CA1: variants seen among roughly 807,000 people sequenced by gnomAD.
The protein encoded by CA1 is carbonate dehydratase I.
A neutral mutation model predicts 28.8 loss-of-function variants in CA1; 27 were observed. That is an observed-to-expected ratio of 0.94 (90% confidence interval 0.69 to 1.29). The LOEUF (loss-of-function observed/expected upper bound fraction) is 1.29, where lower values mean the gene tolerates loss of function less well. Among genes scored for constraint, CA1 ranks in the 50% most tolerant of loss-of-function variants. CA1 has a pLI of 0.00. For missense variants in CA1, 335 were observed against 310.5 expected (o/e 1.08, Z -0.59); for synonymous variants, 121 against 108.8 (o/e 1.11, Z -0.70).
At chr8:85,341,354 G>A in intron 2 of CA1, 2 of 375,796 alleles carry the variant, frequency 5.3e-6, no homozygotes, top group Non-Finnish European at 9.5e-6. Flanking sequence ...AATGATAGGG[G>A]TCTGAAACTG....
chr8:85,348,793 T>G (rs997023648), intron 1 of CA1, among the ~76,000 whole-genome samples: 1 of 152,214 alleles, frequency 6.6e-6, no homozygotes, highest in Admixed American at 6.5e-5. Flanking sequence ...CCTAAAAATA[T>G]TTTCTAAATG....
chr8:85,350,158 G>A (rs1169247262), intron 1 of CA1, among the ~76,000 whole-genome samples: 2 of 152,100 alleles, frequency 1.3e-5, no homozygotes, highest in Non-Finnish European at 2.9e-5. Context: ...TATACAATAA[G>A]CAGATTTCTA....
intron 1 of CA1, among the ~76,000 whole-genome samples, chr8:85,353,795 G>A (rs1245520047): frequency 6.6e-6 from 1 of 152,032 alleles, no homozygotes; most frequent in Non-Finnish European, 1.5e-5. Context: ...GAAATGAATG[G>A]TACATTTCCT....
intron 6 of CA1, 56 bp downstream of exon 6, chr8:85,332,434 C>T: frequency 7.4e-7 from 1 of 1,358,736 alleles, no homozygotes; most frequent in South Asian, 1.2e-5. Context: ...TAAATGATTT[C>T]CATAGATCTG....
chr8:85,342,661 T>C (rs1808974821), intron 1 of CA1: 1 of 152,196 alleles, frequency 6.6e-6, no homozygotes, highest in South Asian at 2.1e-4. Flanking sequence ...CAAAGAAAAC[T>C]GATTAGGATG....
chr8:85,341,752 A>G (rs760989952), intron 1 of CA1, 93 bp from the exon 2 acceptor site: 19 of 743,542 alleles, frequency 2.6e-5, no homozygotes, highest in Non-Finnish European at 4.1e-5. Flanking sequence ...ATAGAAACTT[A>G]CTTGCTTTTA....
chr8:85,330,462 T>A (rs1048460770), intron 6 of CA1, among the ~76,000 whole-genome samples: 2 of 152,148 alleles, frequency 1.3e-5, no homozygotes, highest in African/African-American at 4.8e-5. Context: ...ACTCTTTCAT[T>A]ATTTTGTTGC....
intron 1 of CA1, among the ~76,000 whole-genome samples, chr8:85,360,686 CTAAA>C (rs1809760859): frequency 1.3e-5 from 2 of 152,108 alleles, no homozygotes; most frequent in Admixed American, 6.6e-5. Context: ...CCCCCTGTCT[CTAAA>C]TAAATAAATA....
At chr8:85,330,852 TTG>T (rs746143475) in intron 6 of CA1, among the ~76,000 whole-genome samples, 56 of 152,152 alleles carry the variant, frequency 3.7e-4, no homozygotes, top group Non-Finnish European at 2.5e-4. Flanking sequence ...TGAATTTGAT[TTG>T]TTATAATAAA....
intron 1 of CA1, among the ~76,000 whole-genome samples, chr8:85,368,834 G>A (rs1810110841): frequency 6.6e-6 from 1 of 152,126 alleles, no homozygotes; most frequent in Non-Finnish European, 1.5e-5. Flanking sequence ...ACTTGTCACT[G>A]TCACGTCAAT....
chr8:85,359,229 G>A (rs552918662), intron 1 of CA1, among the ~76,000 whole-genome samples: 18 of 152,278 alleles, frequency 1.2e-4, no homozygotes, highest in African/African-American at 4.1e-4. Context: ...AGAAGCCAAG[G>A]TAGAGAGGAA....
chr8:85,331,742 G>A (rs1049310252), intron 6 of CA1, among the ~76,000 whole-genome samples: 1 of 151,976 alleles, frequency 6.6e-6, no homozygotes, highest in African/African-American at 2.4e-5. Flanking sequence ...ACAGGCATGA[G>A]CCACCACACC....
In CA1 at chr8:85,361,559, C is replaced by T. The variant is rs191756746; in HGVS notation, c.-25+16487G>A. ...GGGCATGGTGGCAGCCACCTGTAAT[C>T]CCACCTACTTGGGAGGCCGAGACAG... is the stretch of plus-strand genomic sequence containing the variant. On this transcript the variant is annotated intron_variant, in intron 1 of 7. Coordinates refer to ENST00000523022, the MANE Select transcript of CA1 (RefSeq NM_001128831.4). Among the ~76,000 whole-genome samples the T allele has an allele frequency of 7.9e-5, 12 of 152,142 alleles. No individual in the cohort carries two copies. In the East Asian group the frequency reaches 2.1e-3, roughly 27 times the overall value.
intron 1 of CA1, among the ~76,000 whole-genome samples, chr8:85,377,115 T>C (rs1266701649): frequency 1.3e-5 from 2 of 152,216 alleles, no homozygotes; most frequent in African/African-American, 4.8e-5. Context: ...GTTAAGTTAC[T>C]TGAAGCATTT....
intron 1 of CA1, among the ~76,000 whole-genome samples, chr8:85,344,282 TTA>T (rs549104342): frequency 0.53 from 39,929 of 75,392 alleles, 10,251 homozygotes; most frequent in Non-Finnish European, 0.59. Flanking sequence ...TAATTATATA[TTA>T]TATACAGTAT....
intron 1 of CA1, among the ~76,000 whole-genome samples, chr8:85,355,358 G>A (rs1018987061): frequency 2.0e-5 from 3 of 152,068 alleles, no homozygotes; most frequent in Non-Finnish European, 2.9e-5. Context: ...TAGTGAGAAA[G>A]CAACCAAATG....
At position 85,340,253 on chromosome 8, in the gene CA1, A is replaced by G. The variant is rs112800510; in HGVS notation, c.37+1346T>C. 5.5e-3 allele frequency among the ~76,000 whole-genome samples: 844 copies of G among 152,324 alleles called. 9 individuals carry two copies. Among genetic ancestry groups the G allele is most frequent in the African/African-American group, 0.019 (790 of 41,580 alleles). ...TTAAGTTGAAGCCAACACTCATTTAACATTCTGAAAATCCTAGGACCCTTA... is the reference window on the plus strand; with the variant it reads ...TTAAGTTGAAGCCAACACTCATTTAGCATTCTGAAAATCCTAGGACCCTTA... On this transcript the variant is annotated intron_variant, in intron 2 of 7. Coordinates refer to ENST00000523022, the MANE Select transcript of CA1 (RefSeq NM_001128831.4).
At chr8:85,362,282 C>A (rs189035473) in intron 1 of CA1, among the ~76,000 whole-genome samples, 19 of 152,298 alleles carry the variant, frequency 1.2e-4, no homozygotes, top group Non-Finnish European at 2.4e-4. Context: ...TCAGAATAAT[C>A]TCCCATCTCA....
At chr8:85,363,328 T>A (rs1208361314) in intron 1 of CA1, among the ~76,000 whole-genome samples, 1 of 152,238 alleles carries the variant, frequency 6.6e-6, no homozygotes, top group Non-Finnish European at 1.5e-5. Context: ...GGGCTCCGCT[T>A]GCTAACCATT....
Sources: gnomAD v4.1 joint callset for allele counts (sites outside exome capture counted in the v4.1 genomes callset) on GRCh38, gnomAD v4.1.1 for gene constraint, MANE v1.5 for transcripts, NCBI Gene and HGNC (gene_info 2026-07-23, HGNC 2026-07-21) for gene names.